Variants in CHM observed in about 807,000 individuals in gnomAD.
The protein encoded by CHM is rab proteins geranylgeranyltransferase component A 1.
In CHM, 10 loss-of-function variants were observed where a neutral mutation model predicts 49.0. That is an observed-to-expected ratio of 0.20 (90% CI 0.13 to 0.35). CHM has a LOEUF of 0.35. CHM is among the 10% of genes least tolerant of loss of function. The probability of loss-of-function intolerance (pLI) is 1.00; values close to 1 mark genes in which losing one functional copy is unlikely to be tolerated. For synonymous variants in CHM, 184 were observed against 167.5 expected, an observed-to-expected ratio of 1.10 and a Z score of -0.76; for missense variants, 455 against 478.4, an observed-to-expected ratio of 0.95 and a Z score of 0.46.
chrX:86,041,650 C>A (rs1190142982), intron 1 of CHM, among the ~76,000 whole-genome samples: 1 of 102,841 alleles, frequency 9.7e-6, no homozygotes, highest in Non-Finnish European at 2.0e-5. Flanking sequence ...ATTTTTTGAA[C>A]CTGCCCTCCC....
chrX:85,956,716 G>T (rs2030379601), intron 7 of CHM, among the ~76,000 whole-genome samples: 1 of 111,408 alleles, frequency 9.0e-6, no homozygotes, highest in Non-Finnish European at 1.9e-5. Context: ...GCCAATAATG[G>T]TACTGAAAAT....
intron 7 of CHM, among the ~76,000 whole-genome samples, chrX:85,957,378 C>T (rs5968748): frequency 0.23 from 24,722 of 109,495 alleles, 2,165 homozygotes; most frequent in Non-Finnish European, 0.25. Context: ...TATTTTTCCC[C>T]ATATACCATC....
intron 2 of CHM, among the ~76,000 whole-genome samples, chrX:86,002,758 C>T (rs190299181): frequency 5.3e-5 from 6 of 112,496 alleles, no homozygotes; most frequent in Non-Finnish European, 1.1e-4. Context: ...CGGAGCTGAC[C>T]ACAACTCAGC....
intron 8 of CHM, among the ~76,000 whole-genome samples, chrX:85,925,885 A>C (rs1027059988): frequency 1.8e-5 from 2 of 111,221 alleles, no homozygotes; most frequent in Non-Finnish European, 3.8e-5. Flanking sequence ...CCTACATAAC[A>C]ACTCCTAGAT....
At chrX:85,931,576 T>C (rs1053488914) in intron 8 of CHM, among the ~76,000 whole-genome samples, 3 of 111,652 alleles carry the variant, frequency 2.7e-5, no homozygotes, top group African/African-American at 9.8e-5. Context: ...AAGCTATCAC[T>C]CCTAGATGAT....
chrX:85,886,304 T>C (rs747308006), intron 12 of CHM, among the ~76,000 whole-genome samples: 24 of 112,351 alleles, frequency 2.1e-4, no homozygotes, highest in Non-Finnish European at 4.3e-4. Flanking sequence ...AATGAAATTA[T>C]GTTTCTACAT....
chrX:85,995,013 T>G (rs1275285222), intron 2 of CHM, among the ~76,000 whole-genome samples: 1 of 110,521 alleles, frequency 9.0e-6, no homozygotes, highest in Non-Finnish European at 1.9e-5. Flanking sequence ...TTTCACAATT[T>G]CTACATTAAG....
At chrX:85,919,909 A>C (rs367605293) in intron 8 of CHM, among the ~76,000 whole-genome samples, 1 of 109,389 alleles carries the variant, frequency 9.1e-6, no homozygotes, top group Non-Finnish European at 1.9e-5. Context: ...CTTATGCCCA[A>C]GTGAAAAAAA....
At chrX:85,942,024 G>C (rs1218432332) in intron 8 of CHM, among the ~76,000 whole-genome samples, 1 of 111,420 alleles carries the variant, frequency 9.0e-6, no homozygotes, top group Admixed American at 9.6e-5. Context: ...CACCAAAAAT[G>C]ATGAGCACAG....
intron 13 of CHM, among the ~76,000 whole-genome samples, chrX:85,875,232 G>C (rs780952244): frequency 1.4e-3 from 154 of 111,631 alleles, no homozygotes; most frequent in African/African-American, 4.8e-3. Context: ...ATCTTTCTTT[G>C]AGGTCAGCTG....
chrX:85,863,858 G>C lies in CHM; in HGVS notation c.*772C>G, dbSNP rs1490023729. ...AACAATTTACCAAATATCATCAGTA[G>C]GACAGCCAGGATTAAATTAGGTCTG... is the stretch of plus-strand genomic sequence containing the variant. On this transcript the variant is annotated 3_prime_UTR_variant, in exon 15 of 15. Transcript: ENST00000357749. The C allele has an allele frequency of 8.9e-6, 1 of 111,863 alleles. No homozygotes were observed. Among genetic ancestry groups the C allele is most frequent in the African/African-American group, 3.3e-5 (1 of 30,753 alleles). 9.2% of individuals were successfully genotyped at this position (111,863 alleles called of 1,213,427 possible). A position where few individuals can be genotyped will look rare whatever the true frequency, so the allele number is the denominator to read the frequency against.
intron 2 of CHM, among the ~76,000 whole-genome samples, chrX:85,990,694 A>G (rs1312771923): frequency 8.9e-6 from 1 of 111,814 alleles, no homozygotes. Context: ...TGTTAAAGCA[A>G]TATCAGTTTG....
chrX:85,897,616 G>A (rs955027889), intron 11 of CHM, among the ~76,000 whole-genome samples: 2 of 110,359 alleles, frequency 1.8e-5, no homozygotes, highest in Non-Finnish European at 3.8e-5. Context: ...AGCAGGTTGA[G>A]AGGAGCAGGG....
At chrX:86,011,138 T>C (rs890301202) in intron 2 of CHM, among the ~76,000 whole-genome samples, 2 of 111,795 alleles carry the variant, frequency 1.8e-5, no homozygotes, top group Admixed American at 9.6e-5. Context: ...ACTGAGGATA[T>C]ATAGACATAT....
rs1047250766 is a variant in CHM at position 86,007,171 on chromosome X, A to G, written c.116+20320T>C. 3.6e-5 allele frequency among the ~76,000 whole-genome samples: 4 copies of G among 112,289 alleles called. No homozygotes were observed. The Admixed American group carries it at 3.8e-4, about 11-fold the overall frequency. ...ACAAGAAATGGGGAAAGCATTCCCT[A>G]TTTAATAAATGGTGCTGGGAAAACT... On this transcript the variant is annotated intron_variant, in intron 2 of 14. Transcript: ENST00000357749.
rs1923483066 is a variant in CHM, at chrX:85,863,354, A to G, written c.*1276T>C. ...GTGATCTACCCACCTCAGCTTCCCA[A>G]AGTGCTGGGATTACAGGCAGCCCTA... On this transcript the variant is annotated 3_prime_UTR_variant, in exon 15 of 15. Transcript: ENST00000357749. 1 of 111,691 alleles carries G rather than the reference A, an allele frequency of 9.0e-6. No homozygotes were observed. Among genetic ancestry groups the G allele is most frequent in the Non-Finnish European group, 1.9e-5 (1 of 53,124 alleles). The allele number at this position is 111,691 out of a possible 1,213,427, so 9.2% of individuals were successfully genotyped here. A position where few individuals can be genotyped will look rare whatever the true frequency, so the allele number is the denominator to read the frequency against.
At chrX:85,886,448 T>C (rs1016193291) in intron 12 of CHM, among the ~76,000 whole-genome samples, 3 of 112,161 alleles carry the variant, frequency 2.7e-5, no homozygotes, top group African/African-American at 9.7e-5. Context: ...GGAAAGAGAA[T>C]GACTGTGTAA....
intron 8 of CHM, among the ~76,000 whole-genome samples, chrX:85,922,520 C>G (rs1159236117): frequency 8.9e-6 from 1 of 112,664 alleles, no homozygotes; most frequent in Non-Finnish European, 1.9e-5. Context: ...TGGAATCCAA[C>G]TCAGCATGGA....
At chrX:85,997,423 T>C (rs1057379425) in intron 2 of CHM, among the ~76,000 whole-genome samples, 85 of 111,795 alleles carry the variant, frequency 7.6e-4, no homozygotes, top group African/African-American at 2.6e-3. Flanking sequence ...TCTAATTATA[T>C]TATAATTTCT....
Sources: gnomAD v4.1 joint callset for allele counts (sites outside exome capture counted in the v4.1 genomes callset) on GRCh38, gnomAD v4.1.1 for gene constraint, MANE v1.5 for transcripts, NCBI Gene and HGNC (gene_info 2026-07-23, HGNC 2026-07-21) for gene names.